Variants in NECAB1 observed in about 807,000 individuals in gnomAD.
NECAB1 encodes N-terminal EF-hand calcium binding protein 1.
In NECAB1, 29 loss-of-function variants were observed where a neutral mutation model predicts 57.5. The ratio of observed to expected loss-of-function variants is 0.50; its 90% CI spans 0.38 to 0.69. NECAB1 has a LOEUF of 0.69. Ranked by LOEUF, NECAB1 falls within the 30% of genes least tolerant of loss-of-function variation. The pLI, the probability that NECAB1 is intolerant of heterozygous loss-of-function variation, is 0.00. For synonymous variants in NECAB1, 142 were observed against 147.7 expected, an observed-to-expected ratio of 0.96 and a Z score of 0.28; for missense variants, 372 against 413.8, an observed-to-expected ratio of 0.90 and a Z score of 0.88.
chr8:90,811,305 G>A (rs1811956564), intron 2 of NECAB1, among the ~76,000 whole-genome samples: 1 of 130,690 alleles, frequency 7.7e-6, no homozygotes, highest in African/African-American at 3.0e-5. Flanking sequence ...CTACAGCGAA[G>A]AGCTACAGCA....
intron 12 of NECAB1, among the ~76,000 whole-genome samples, chr8:90,954,977 G>A (rs1056086355): frequency 7.2e-6 from 1 of 138,670 alleles, no homozygotes; most frequent in African/African-American, 2.6e-5. Context: ...TATATTATGT[G>A]TGTACATATA....
intron 3 of NECAB1, among the ~76,000 whole-genome samples, chr8:90,848,436 C>T (rs928583986): frequency 1.3e-5 from 2 of 152,232 alleles, no homozygotes; most frequent in African/African-American, 4.8e-5. Context: ...TCCAAAGTCA[C>T]TTCCACATTT....
At chr8:90,934,467 T>C (rs1810483992) in intron 9 of NECAB1, 110 bp downstream of exon 9, 2 of 696,322 alleles carry the variant, frequency 2.9e-6, no homozygotes, top group African/African-American at 1.9e-5. Flanking sequence ...CAAGTAGTCG[T>C]ATTTCATTTT....
At chr8:90,947,535 A>C (rs1380928084) in intron 10 of NECAB1, among the ~76,000 whole-genome samples, 2 of 151,312 alleles carry the variant, frequency 1.3e-5, no homozygotes, top group Non-Finnish European at 2.9e-5. Flanking sequence ...TGAGTAGCTG[A>C]GATTACAGGC....
rs1811676373 is a variant in NECAB1, at chr8:90,797,203, A to C, written c.100-4488A>C. Reference sequence around the variant, plus strand: ...ATCTGGGTCTCATTTTGCTTTAAGCATAACTCTTACTATTGAAAGCAGTCC... The same window carrying C: ...ATCTGGGTCTCATTTTGCTTTAAGCCTAACTCTTACTATTGAAAGCAGTCC... On this transcript the variant is annotated intron_variant, in intron 1 of 12. Coordinates refer to ENST00000417640, the MANE Select transcript of NECAB1 (RefSeq NM_022351.5). 2.0e-5 allele frequency among the ~76,000 whole-genome samples: 3 copies of C among 152,222 alleles called. No homozygotes were observed. The South Asian group carries it at 6.2e-4, about 31-fold the overall frequency.
Position 90,947,303 on chromosome 8 carries a change from TACACACACACACACACACAC to T in NECAB1, c.861-2474_861-2455del, listed in dbSNP as rs71771328. On this transcript the variant is annotated intron_variant, in intron 10 of 12. Transcript: ENST00000417640. ...TTTTAGCTATTGGGCTAACAACACATACACACACACACACACACACACACACACACACACACACACACACA... is the reference window on the plus strand; with the variant it reads ...TTTTAGCTATTGGGCTAACAACACATACACACACACACACACACACACACA... 1.1e-4 allele frequency among the ~76,000 whole-genome samples: 9 copies of T among 78,286 alleles called. 1 individual carries two copies. The highest frequency in any genetic ancestry group is 1.7e-4 in the Non-Finnish European group (7 of 41,256). The allele number at this position is 78,286 out of a possible 152,430, so 51.4% of individuals were successfully genotyped here. A position where few individuals can be genotyped will look rare whatever the true frequency, so the allele number is the denominator to read the frequency against.
intron 6 of NECAB1, among the ~76,000 whole-genome samples, chr8:90,924,871 C>T (rs992608321): frequency 1.8e-4 from 28 of 152,018 alleles, no homozygotes; most frequent in African/African-American, 2.4e-4. Context: ...AAATTAAAGA[C>T]ATAGCAATTT....
intron 9 of NECAB1, among the ~76,000 whole-genome samples, chr8:90,939,529 A>G (rs1353706085): frequency 6.6e-6 from 1 of 152,188 alleles, no homozygotes; most frequent in Non-Finnish European, 1.5e-5. Flanking sequence ...TTTAGACGAA[A>G]AGAATTATGA....
At chr8:90,895,598 C>T (rs867398095) in intron 5 of NECAB1, among the ~76,000 whole-genome samples, 51 of 152,298 alleles carry the variant, frequency 3.3e-4, no homozygotes, top group African/African-American at 1.2e-3. Flanking sequence ...GCATTTTCTA[C>T]TGTCTTGATC....
At chr8:90,922,144 T>G (rs1490977966) in intron 6 of NECAB1, among the ~76,000 whole-genome samples, 1 of 152,212 alleles carries the variant, frequency 6.6e-6, no homozygotes, top group Non-Finnish European at 1.5e-5. Flanking sequence ...AGTTTCCCCC[T>G]AGGGGTCCCC....
intron 3 of NECAB1, among the ~76,000 whole-genome samples, chr8:90,868,230 A>G (rs1334522819): frequency 6.6e-6 from 1 of 152,212 alleles, no homozygotes; most frequent in Non-Finnish European, 1.5e-5. Context: ...TTTATAAATT[A>G]TGCAGTCTCA....
chr8:90,797,765 A>T (rs1246576932), intron 1 of NECAB1, among the ~76,000 whole-genome samples: 11 of 152,184 alleles, frequency 7.2e-5, no homozygotes. Flanking sequence ...CTGTTTTAAG[A>T]TTGTTTTAAA....
chr8:90,923,642 CA>C (rs1810185920), intron 6 of NECAB1, among the ~76,000 whole-genome samples: 1 of 152,162 alleles, frequency 6.6e-6, no homozygotes, highest in Non-Finnish European at 1.5e-5. Context: ...ACAGATAATC[CA>C]GAGAGCAGAC....
At chr8:90,820,049 A>G (rs1364083685) in intron 2 of NECAB1, among the ~76,000 whole-genome samples, 1 of 151,832 alleles carries the variant, frequency 6.6e-6, no homozygotes, top group Admixed American at 6.6e-5. Flanking sequence ...ATCCACAATC[A>G]GCCTCCAGCA....
At chr8:90,825,128 T>C in intron 3 of NECAB1, 1 of 171,572 alleles carries the variant, frequency 5.8e-6, no homozygotes, top group Non-Finnish European at 1.2e-5. Flanking sequence ...ATTTAAAAAG[T>C]AGAATTTTAC....
chr8:90,794,941 G>A (rs554118841), intron 1 of NECAB1, among the ~76,000 whole-genome samples: 69 of 152,270 alleles, frequency 4.5e-4, no homozygotes, highest in Middle Eastern at 6.8e-3. Flanking sequence ...ATACTGATGG[G>A]AGGCTTAGAA....
intron 5 of NECAB1, among the ~76,000 whole-genome samples, chr8:90,898,789 A>G (rs746239586): frequency 8.5e-5 from 13 of 152,252 alleles, no homozygotes; most frequent in Non-Finnish European, 1.5e-4. Flanking sequence ...ACAGTCAGGC[A>G]CCTGGTACAT....
At chr8:90,803,544 A>G (rs1811797125) in intron 2 of NECAB1, among the ~76,000 whole-genome samples, 2 of 152,222 alleles carry the variant, frequency 1.3e-5, no homozygotes, top group African/African-American at 4.8e-5. Context: ...AACAATGCAC[A>G]TGATTCAATG....
chr8:90,946,888 C>T (rs1810815393), intron 10 of NECAB1, among the ~76,000 whole-genome samples: 1 of 152,144 alleles, frequency 6.6e-6, no homozygotes, highest in African/African-American at 2.4e-5. Flanking sequence ...CAGTCCAACA[C>T]TGAGTGGTAC....
Sources: gnomAD v4.1 joint callset for allele counts (sites outside exome capture counted in the v4.1 genomes callset) on GRCh38, gnomAD v4.1.1 for gene constraint, MANE v1.5 for transcripts, NCBI Gene and HGNC (gene_info 2026-07-23, HGNC 2026-07-21) for gene names.